Variants in ITPA observed in about 807,000 individuals in gnomAD.
ITPA encodes inosine triphosphate pyrophosphatase.
Under a neutral mutation model 29.6 loss-of-function variants are expected in ITPA, and 29 were observed. The ratio of observed to expected loss-of-function variants is 0.98; its 90% CI spans 0.73 to 1.34. The LOEUF (loss-of-function observed/expected upper bound fraction) is 1.34, where lower values mean the gene tolerates loss of function less well. ITPA is among the 40% of genes most tolerant of loss of function. ITPA has a pLI of 0.00. For synonymous variants in ITPA, 103 were observed against 99.3 expected, an observed-to-expected ratio of 1.04 and a Z score of -0.22; for missense variants, 241 against 251.5, an observed-to-expected ratio of 0.96 and a Z score of 0.28.
downstream of ITPA, among the ~76,000 whole-genome samples, chr20:3,227,234 T>G (rs1265630148): frequency 6.6e-6 from 1 of 152,202 alleles, no homozygotes; most frequent in Non-Finnish European, 1.5e-5. Context: ...GAAATGGCCA[T>G]GCGAAGGCCT....
intron 6 of ITPA, among the ~76,000 whole-genome samples, chr20:3,220,750 C>G (rs2067442847): frequency 6.6e-6 from 1 of 151,380 alleles, no homozygotes; most frequent in African/African-American, 2.4e-5. Flanking sequence ...GAGATAGAGT[C>G]TGACTGTGTT....
At chr20:3,217,972 C>T (rs1033334632) in intron 5 of ITPA, among the ~76,000 whole-genome samples, 8 of 149,684 alleles carry the variant, frequency 5.3e-5, no homozygotes, top group Non-Finnish European at 7.4e-5. Flanking sequence ...GGCTGGAGTG[C>T]AGTGGCCCGA....
At position 3,209,960 on chromosome 20, in the gene ITPA, T is replaced by G. The variant is rs2122279594; in HGVS notation, c.66+343T>G. ...AGACCCCAACCCAGTGTCCCGACAC[T>G]CTTCTGGGACTTATCCACATCCCGC... On this transcript the variant is annotated intron_variant, in intron 1 of 7. Transcript: ENST00000380113. The surrounding 1 kb of genome is among the most constrained non-coding windows in gnomAD (Gnocchi z 4.6). Among the ~76,000 whole-genome samples, 1 of 152,150 alleles carries G rather than the reference T, an allele frequency of 6.6e-6. No individual in the cohort carries two copies. The highest frequency in any genetic ancestry group is 2.1e-4 in the South Asian group (1 of 4,828).
At chr20:3,215,785 A>G (rs541973678) in intron 5 of ITPA, among the ~76,000 whole-genome samples, 3 of 152,102 alleles carry the variant, frequency 2.0e-5, no homozygotes, top group African/African-American at 7.2e-5. Context: ...TCTTGGGTTC[A>G]AGCGATTCTC....
intron 1 of ITPA, among the ~76,000 whole-genome samples, chr20:3,211,744 G>A (rs562399309): frequency 4.6e-5 from 7 of 152,258 alleles, no homozygotes; most frequent in African/African-American, 1.7e-4. Context: ...CCGCCCGCCA[G>A]GGCCTCCCGA....
At chr20:3,206,337 G>A (rs1220029024), upstream of ITPA, among the ~76,000 whole-genome samples, 4 of 132,180 alleles carry the variant, frequency 3.0e-5, no homozygotes, top group East Asian at 2.4e-4. Context: ...GCAGTGAGCC[G>A]AGATCACACT....
chr20:3,225,392 C>T (rs2067543798), downstream of ITPA, among the ~76,000 whole-genome samples: 1 of 152,160 alleles, frequency 6.6e-6, no homozygotes, highest in African/African-American at 2.4e-5. Context: ...CCCCGCCACA[C>T]CTCCAGGGAG....
chr20:3,204,440 G>C, upstream of ITPA: 1 of 1,296,824 alleles, frequency 7.7e-7, no homozygotes, highest in Non-Finnish European at 1.1e-6. Context: ...CGCCCGCCCA[G>C]GTGCGCACGC....
At chr20:3,218,874 G>C in intron 6 of ITPA, 1 of 573,452 alleles carries the variant, frequency 1.7e-6, no homozygotes, top group South Asian at 1.9e-5. Flanking sequence ...GGGTGCCCCT[G>C]GGCAGGACAA....
At chr20:3,222,061 C>T in intron 7 of ITPA, 144 bp downstream of exon 7, 1 of 798,900 alleles carries the variant, frequency 1.3e-6, no homozygotes, top group Admixed American at 2.0e-5. Flanking sequence ...GGCAGCTCTG[C>T]TGGGGTGGAC....
chr20:3,221,557 C>A (rs1262925337), intron 6 of ITPA, among the ~76,000 whole-genome samples: 1 of 135,122 alleles, frequency 7.4e-6, no homozygotes, highest in East Asian at 2.3e-4. Flanking sequence ...TCAGTGATGT[C>A]CCAATTTGTC....
At position 3,218,469 on chromosome 20, in the gene ITPA, G is replaced by C. The variant is rs1322126939; in HGVS notation, c.296-48G>C. ...TAGTGGGCGTCTTGGGAGTGGGGGTGGGAGTTGGCCATTAGGGATGCACTG... is the reference window on the plus strand; with the variant it reads ...TAGTGGGCGTCTTGGGAGTGGGGGTCGGAGTTGGCCATTAGGGATGCACTG... On this transcript the variant is annotated intron_variant, in intron 5 of 7. Transcript: ENST00000380113. The C allele has an allele frequency of 3.9e-6, 5 of 1,297,914 alleles. No individual in the cohort carries two copies. In the African/African-American group the frequency reaches 5.8e-5, roughly 15 times the overall value. The allele number at this position is 1,297,914 out of a possible 1,614,324, so 80.4% of individuals were successfully genotyped here.
Position 3,213,371 on chromosome 20 carries a change from G to C in ITPA, c.177G>C (p.Glu59Asp), listed in dbSNP as rs1230665788. ...AGATTTCCATACAGAAATGTCAGGA[G>C]GCAGTTCGCCAGGTGCTTGCCCTGC... ...PDEISIQKCQ[E>D]AVRQVQGPVL... The change falls in exon 3 of 8, where the codon GAG becomes GAC. Residue 59 changes from glutamate to aspartate, a missense_variant. Transcript: ENST00000380113. The C allele has an allele frequency of 9.9e-6, 16 of 1,614,028 alleles. No individual in the cohort carries two copies. Among genetic ancestry groups the C allele is most frequent in the Non-Finnish European group, 1.3e-5 (15 of 1,180,036 alleles).
chr20:3,218,361 C>A (rs934279569), intron 5 of ITPA, among the ~76,000 whole-genome samples, 156 bp from the exon 6 acceptor site: 2 of 152,200 alleles, frequency 1.3e-5, no homozygotes, highest in African/African-American at 4.8e-5. Context: ...CAAGCCTAGT[C>A]CCACTGCCTT....
At chr20:3,214,413 C>G (rs1235257646) in intron 4 of ITPA, among the ~76,000 whole-genome samples, 3 of 140,092 alleles carry the variant, frequency 2.1e-5, no homozygotes, top group Admixed American at 7.7e-5. Context: ...ACCCAGACGG[C>G]TGGAGTGCAG....
At chr20:3,215,700 T>C (rs1389717824) in intron 5 of ITPA, among the ~76,000 whole-genome samples, 1 of 152,182 alleles carries the variant, frequency 6.6e-6, no homozygotes, top group Non-Finnish European at 1.5e-5. Context: ...CTTTTATTTA[T>C]TTAGAGACAG....
downstream of ITPA, among the ~76,000 whole-genome samples, chr20:3,227,003 C>T (rs76378710): frequency 0.011 from 1,711 of 152,284 alleles, 32 homozygotes; most frequent in African/African-American, 0.039. Context: ...ATCCAGGATC[C>T]GCACAACAGA....
At chr20:3,223,214 A>G (rs563373499) in intron 7 of ITPA, 152 bp from the exon 8 acceptor site, 5 of 687,616 alleles carry the variant, frequency 7.3e-6, no homozygotes, top group Non-Finnish European at 1.3e-5. Context: ...GATTTTTAAA[A>G]ATTCACTGGC....
chr20:3,206,788 G>A (rs578238222), upstream of ITPA, among the ~76,000 whole-genome samples: 5 of 148,598 alleles, frequency 3.4e-5, no homozygotes, highest in South Asian at 2.1e-4. Context: ...CTGAGATCGC[G>A]CCACTGCACT....
Sources: gnomAD v4.1 joint callset for allele counts (sites outside exome capture counted in the v4.1 genomes callset) on GRCh38, gnomAD v4.1.1 for gene constraint, Gnocchi (gnomAD v3.1) non-coding constraint, MANE v1.5 for transcripts, NCBI Gene and HGNC (gene_info 2026-07-23, HGNC 2026-07-21) for gene names.